The following PPFIBP2 variants were observed in gnomAD, a reference collection of about 807,000 sequenced individuals.
PPFIBP2 encodes PPFIB scaffold protein 2.
Under a neutral mutation model 118.3 loss-of-function variants are expected in PPFIBP2, and 118 were observed. The observed-to-expected ratio is 1.00, with a 90% CI of 0.86 to 1.16. PPFIBP2 has a LOEUF of 1.16. Ranked by LOEUF, PPFIBP2 falls within the 50% of genes most tolerant of loss-of-function variation. The pLI, the probability that PPFIBP2 is intolerant of heterozygous loss-of-function variation, is 0.00. For synonymous variants in PPFIBP2, 414 were observed against 397.4 expected (o/e 1.04, Z -0.50); for missense variants, 1,195 against 1,073.1 (o/e 1.11, Z -1.59).
At position 7,516,712 on chromosome 11, in the gene PPFIBP2, C is replaced by T. The variant is rs145919285; in HGVS notation, c.-37+2591C>T. ...ATGTAACTTCTGCACAGTACCCAGA[C>T]GGCCCCTCTCTCTGTCTTCAAGGGG... On this transcript the variant is annotated intron_variant, in intron 1 of 23. Coordinates refer to ENST00000299492, the MANE Select transcript of PPFIBP2 (RefSeq NM_003621.5). Among the ~76,000 whole-genome samples, 10 of 152,284 alleles carry T rather than the reference C, an allele frequency of 6.6e-5. No individual in the cohort carries two copies. The East Asian group carries it at 1.2e-3, about 18-fold the overall frequency.
At chr11:7,561,845 G>A (rs1467682570) in intron 2 of PPFIBP2, among the ~76,000 whole-genome samples, 4 of 152,216 alleles carry the variant, frequency 2.6e-5, no homozygotes, top group Non-Finnish European at 4.4e-5. Flanking sequence ...CTCTTAAAGA[G>A]TTATAGTTAA....
intron 3 of PPFIBP2, among the ~76,000 whole-genome samples, chr11:7,583,100 C>G (rs527244456): frequency 1.2e-4 from 18 of 152,236 alleles, no homozygotes; most frequent in Non-Finnish European, 2.5e-4. Context: ...CTACTCCCTC[C>G]TGGTCACTCC....
chr11:7,591,323 C>T (rs551583123), intron 3 of PPFIBP2, among the ~76,000 whole-genome samples: 2 of 151,838 alleles, frequency 1.3e-5, no homozygotes, highest in South Asian at 2.1e-4. Context: ...GGCTCCGTGT[C>T]CATGTGGACT....
Position 7,651,739 on chromosome 11 carries a change from G to T in PPFIBP2, c.2331G>T (p.Leu777=), listed in dbSNP as rs1854046389. Reference sequence around the variant, plus strand: ...AAAAGACGCTCCTCAGGCGCCACCTGACCACCAAGTTCAATGCCTTGATTG... The same window carrying T: ...AAAAGACGCTCCTCAGGCGCCACCTTACCACCAAGTTCAATGCCTTGATTG... The part of the protein sequence containing the change: ...PPQKTLLRRH[L]TTKFNALIGP... Residue 777 remains leucine, a synonymous_variant, in exon 23 of 24, where the codon CTG becomes CTT. Coordinates refer to ENST00000299492, the MANE Select transcript of PPFIBP2 (RefSeq NM_003621.5). 6.2e-7 allele frequency: 1 copy of T among 1,613,972 alleles called. No individual in the cohort carries two copies. The highest frequency in any genetic ancestry group is 2.2e-5 in the East Asian group (1 of 44,898).
At position 7,653,185 on chromosome 11, in the gene PPFIBP2, G is replaced by C. The variant is rs373577062; in HGVS notation, c.2598G>C (p.Leu866=). The change falls in exon 24 of 24, where the codon CTG becomes CTC. Residue 866 remains leucine (L), a synonymous_variant. Coordinates refer to ENST00000299492, the MANE Select transcript of PPFIBP2 (RefSeq NM_003621.5). ...TCAGCCCCCTTGATGCCCCTGAACT[G>C]GATGGGCTGGACCAGGTGGGACAGA... ...RGLSPLDAPE[L]DGLDQVGQIS 4 of 1,614,086 alleles carry C rather than the reference G, an allele frequency of 2.5e-6. No individual in the cohort carries two copies. Among genetic ancestry groups the C allele is most frequent in the Non-Finnish European group, 3.4e-6 (4 of 1,180,050 alleles).
chr11:7,529,796 G>T (rs1055699766), intron 1 of PPFIBP2, among the ~76,000 whole-genome samples: 1 of 151,228 alleles, frequency 6.6e-6, no homozygotes, highest in African/African-American at 2.5e-5. Context: ...AGGTCACCTT[G>T]TGACCCTCGT....
chr11:7,621,392 T>G (rs1216033386), intron 7 of PPFIBP2, among the ~76,000 whole-genome samples: 1 of 152,210 alleles, frequency 6.6e-6, no homozygotes, highest in Non-Finnish European at 1.5e-5. Flanking sequence ...TTAAATTCAG[T>G]AGTCCCTTCT....
At chr11:7,551,591 C>G (rs1191981087) in intron 2 of PPFIBP2, among the ~76,000 whole-genome samples, 1 of 152,186 alleles carries the variant, frequency 6.6e-6, no homozygotes, top group African/African-American at 2.4e-5. Flanking sequence ...CCTTTTGCCT[C>G]TTCGTATAAA....
At chr11:7,602,324 G>T (rs1435403269) in intron 5 of PPFIBP2, among the ~76,000 whole-genome samples, 1 of 152,134 alleles carries the variant, frequency 6.6e-6, no homozygotes, top group Non-Finnish European at 1.5e-5. Context: ...ATGGACCAGC[G>T]ATGTTCTTGT....
chr11:7,595,909 C>G (rs1179586005), intron 4 of PPFIBP2, among the ~76,000 whole-genome samples: 2 of 130,866 alleles, frequency 1.5e-5, no homozygotes, highest in Non-Finnish European at 3.3e-5. Flanking sequence ...TTTTTTTTAA[C>G]TTCTGTATCC....
chr11:7,595,597 T>C (rs1860139768), intron 4 of PPFIBP2, among the ~76,000 whole-genome samples: 1 of 152,214 alleles, frequency 6.6e-6, no homozygotes, highest in South Asian at 2.1e-4. Flanking sequence ...TCTACTCTAC[T>C]GGGAGCTTAT....
intron 9 of PPFIBP2, 110 bp from the exon 10 acceptor site, chr11:7,629,349 C>A: frequency 1.9e-6 from 2 of 1,052,292 alleles, no homozygotes; most frequent in Non-Finnish European, 2.9e-6. Context: ...TCCTTTGGTT[C>A]CACGTGGGAT....
intron 3 of PPFIBP2, among the ~76,000 whole-genome samples, chr11:7,575,964 T>C (rs1427462177): frequency 3.3e-5 from 5 of 152,190 alleles, no homozygotes; most frequent in East Asian, 3.9e-4. Context: ...CCTCCCCTTA[T>C]GCCAGCTGCT....
chr11:7,565,158 C>T (rs1854811334), intron 2 of PPFIBP2, among the ~76,000 whole-genome samples: 1 of 152,128 alleles, frequency 6.6e-6, no homozygotes, highest in Admixed American at 6.5e-5. Context: ...TACAGTCATC[C>T]ACCTCTGTAT....
At chr11:7,562,929 T>TA (rs1854461778) in intron 2 of PPFIBP2, among the ~76,000 whole-genome samples, 3 of 86,536 alleles carry the variant, frequency 3.5e-5, no homozygotes, top group African/African-American at 6.9e-5. Flanking sequence ...AATTAAAGTT[T>TA]TATATATATA....
intron 6 of PPFIBP2, among the ~76,000 whole-genome samples, chr11:7,617,751 C>T (rs1010116477): frequency 1.3e-5 from 2 of 151,922 alleles, no homozygotes; most frequent in African/African-American, 2.4e-5. Context: ...AGAGGTTTAC[C>T]CCCAGTGAAA....
intron 1 of PPFIBP2, among the ~76,000 whole-genome samples, chr11:7,526,339 G>A (rs1183627878): frequency 6.6e-6 from 1 of 152,208 alleles, no homozygotes; most frequent in African/African-American, 2.4e-5. Context: ...AGAAGCCCAA[G>A]TGAGTGAAGT....
chr11:7,642,931 G>C (rs1852420463), intron 17 of PPFIBP2, among the ~76,000 whole-genome samples: 1 of 152,170 alleles, frequency 6.6e-6, no homozygotes, highest in Non-Finnish European at 1.5e-5. Context: ...CACTTCCCTG[G>C]CTTGCCAAAC....
At chr11:7,629,614 C>T in intron 10 of PPFIBP2, 80 bp downstream of exon 10, 1 of 1,374,060 alleles carries the variant, frequency 7.3e-7, no homozygotes, top group Non-Finnish European at 1.0e-6. Context: ...GTTCTGCTAG[C>T]AGCTGTTTCA....
Sources: gnomAD v4.1 joint callset for allele counts (sites outside exome capture counted in the v4.1 genomes callset) on GRCh38, gnomAD v4.1.1 for gene constraint, MANE v1.5 for transcripts, NCBI Gene and HGNC (gene_info 2026-07-23, HGNC 2026-07-21) for gene names.